PCDH15: variants seen among roughly 807,000 people sequenced by gnomAD.
PCDH15 encodes protocadherin related 15.
A neutral mutation model predicts 178.5 loss-of-function variants in PCDH15; 129 were observed. That is an observed-to-expected ratio of 0.72 (90% CI 0.63 to 0.84). The LOEUF (loss-of-function observed/expected upper bound fraction) is 0.84. PCDH15 is among the 40% of genes least tolerant of loss of function. The pLI is 0.00. For synonymous variants in PCDH15, 800 were observed against 732.0 expected (o/e 1.09, Z -1.50); for missense variants, 2,230 against 2,099.9 (o/e 1.06, Z -1.21).
At position 55,232,056 on chromosome 10, in the gene PCDH15, C is replaced by A. The variant is rs957161174; in HGVS notation, c.-155-65405G>T. 2.6e-5 allele frequency among the ~76,000 whole-genome samples: 4 copies of A among 151,920 alleles called. No homozygotes were observed. The East Asian group carries it at 5.8e-4, about 22-fold the overall frequency. ...ATATAATTTGAAACAATTATATAAT[C>A]CAAACCAACTTTATATTTATTTAGA... On this transcript the variant is annotated intron_variant, in intron 1 of 5. Transcript: ENST00000458638.
At chr10:54,401,512 T>G (rs1390612156) in intron 3 of PCDH15, among the ~76,000 whole-genome samples, 1 of 151,780 alleles carries the variant, frequency 6.6e-6, no homozygotes, top group African/African-American at 2.4e-5. Context: ...GGATACTCAT[T>G]CTTAATAGGA....
chr10:53,962,757 A>C (rs2245063), intron 21 of PCDH15, among the ~76,000 whole-genome samples: 2,171 of 152,302 alleles, frequency 0.014, 48 homozygotes, highest in African/African-American at 0.049. Flanking sequence ...AAATTTGATA[A>C]GTTTTTAAAA....
At chr10:55,307,602 C>A (rs928901528) in intron 1 of PCDH15, among the ~76,000 whole-genome samples, 5 of 149,322 alleles carry the variant, frequency 3.3e-5, no homozygotes, top group African/African-American at 1.3e-4. Flanking sequence ...TGCTTTCTAA[C>A]TTACTTTCTT....
chr10:55,446,381 A>G (rs1839317521), intron 2 of PCDH15, among the ~76,000 whole-genome samples: 1 of 152,010 alleles, frequency 6.6e-6, no homozygotes, highest in South Asian at 2.1e-4. Flanking sequence ...ATAAGTTCTA[A>G]AAAGAAAACA....
At chr10:54,392,216 A>C (rs1294723515) in intron 3 of PCDH15, among the ~76,000 whole-genome samples, 3 of 151,960 alleles carry the variant, frequency 2.0e-5, no homozygotes, top group Non-Finnish European at 2.9e-5. Context: ...TGTAATCACA[A>C]CACTTTGGGA....
At chr10:54,372,360 G>A (rs1389820749) in intron 4 of PCDH15, among the ~76,000 whole-genome samples, 1 of 151,718 alleles carries the variant, frequency 6.6e-6, no homozygotes, top group South Asian at 2.1e-4. Flanking sequence ...ATCTAACCAG[G>A]TCACCTGGAA....
intron 1 of PCDH15, among the ~76,000 whole-genome samples, chr10:55,297,632 T>C (rs1843166495): frequency 2.0e-5 from 3 of 152,104 alleles, no homozygotes; most frequent in Admixed American, 2.0e-4. Context: ...TGACTTTAAA[T>C]GATTAAAAAA....
rs368758233 is a variant in PCDH15, at chr10:54,918,426, G to A, written c.-79-20926C>T. 7.9e-5 allele frequency among the ~76,000 whole-genome samples: 12 copies of A among 152,120 alleles called. No individual in the cohort carries two copies. In the East Asian group the frequency reaches 1.2e-3, roughly 15 times the overall value. On this transcript the variant is annotated intron_variant, in intron 2 of 5. Coordinates refer to the PCDH15 transcript ENST00000458638. ...TTCTCATTTAAAAAAATACTGTTCC[G>A]TGGAATTATAGAATGTTAAATAGAC...
chr10:55,545,755 T>C (rs1394711747), intron 2 of PCDH15, among the ~76,000 whole-genome samples: 2 of 152,184 alleles, frequency 1.3e-5, no homozygotes, highest in African/African-American at 4.8e-5. Flanking sequence ...TCAGAAGAAG[T>C]AGAATAAATA....
rs530248482 is a variant in PCDH15 at position 54,347,066 on chromosome 10, T to G, written c.475-582A>C. 2.0e-5 allele frequency among the ~76,000 whole-genome samples: 3 copies of G among 152,210 alleles called. No individual in the cohort carries two copies. The South Asian group carries it at 6.2e-4, about 32-fold the overall frequency. ...TGGAGAGATAGCAACATCTTTTCAT[T>G]TTGGATTAAAACATCAGAACTTAAT... On this transcript the variant is annotated intron_variant, in intron 5 of 37. Coordinates refer to ENST00000644397, the MANE Select transcript of PCDH15 (RefSeq NM_001384140.1).
At chr10:55,055,878 C>T (rs1420199240) in intron 2 of PCDH15, among the ~76,000 whole-genome samples, 2 of 151,952 alleles carry the variant, frequency 1.3e-5, no homozygotes, top group Non-Finnish European at 2.9e-5. Flanking sequence ...TATAGACTGG[C>T]AAATATATGT....
intron 8 of PCDH15, among the ~76,000 whole-genome samples, chr10:54,268,806 GGTGGTT>G (rs1396727483): frequency 6.6e-6 from 1 of 151,824 alleles, no homozygotes; most frequent in Non-Finnish European, 1.5e-5. Context: ...AATTTTGTCT[GGTGGTT>G]GAGGAAATCT....
intron 2 of PCDH15, among the ~76,000 whole-genome samples, chr10:55,036,836 A>G (rs565141697): frequency 6.6e-6 from 1 of 152,302 alleles, no homozygotes; most frequent in African/African-American, 2.4e-5. Context: ...TCCATCTATT[A>G]TTTTAGATGG....
intron 2 of PCDH15, among the ~76,000 whole-genome samples, chr10:55,128,635 T>C (rs969647652): frequency 6.6e-6 from 1 of 152,084 alleles, no homozygotes; most frequent in African/African-American, 2.4e-5. Flanking sequence ...CTCCTGACTG[T>C]CATACACTTA....
intron 1 of PCDH15, among the ~76,000 whole-genome samples, chr10:55,283,340 G>C (rs1357699743): frequency 1.3e-5 from 2 of 151,872 alleles, no homozygotes; most frequent in Admixed American, 1.3e-4. Context: ...TTGACTAAAT[G>C]GTGCCTTAAC....
At chr10:55,341,654 C>T (rs1844560621) in intron 2 of PCDH15, among the ~76,000 whole-genome samples, 1 of 148,610 alleles carries the variant, frequency 6.7e-6, no homozygotes, top group Non-Finnish European at 1.5e-5. Context: ...ACTCCAACCA[C>T]CCGCTCCCGG....
At chr10:54,509,477 C>A (rs2081455410) in intron 3 of PCDH15, among the ~76,000 whole-genome samples, 1 of 152,088 alleles carries the variant, frequency 6.6e-6, no homozygotes. Flanking sequence ...TCTGAATTCA[C>A]AGTGTTCTTT....
At chr10:54,972,587 G>A (rs930539585) in intron 2 of PCDH15, among the ~76,000 whole-genome samples, 4 of 151,546 alleles carry the variant, frequency 2.6e-5, no homozygotes, top group Admixed American at 6.6e-5. Flanking sequence ...GGTGGCTCAC[G>A]CCTGTAATCC....
chr10:54,991,652 C>G (rs530328018), intron 2 of PCDH15, among the ~76,000 whole-genome samples: 1 of 152,190 alleles, frequency 6.6e-6, no homozygotes, highest in African/African-American at 2.4e-5. Context: ...ATTTAAAAGA[C>G]AGCGGCTATG....
Sources: gnomAD v4.1 joint callset for allele counts (sites outside exome capture counted in the v4.1 genomes callset) on GRCh38, gnomAD v4.1.1 for gene constraint, MANE v1.5 for transcripts, NCBI Gene and HGNC (gene_info 2026-07-23, HGNC 2026-07-21) for gene names.